The following ESR2 variants were observed in gnomAD, a reference collection of about 807,000 sequenced individuals.
ESR2 encodes estrogen receptor 2, also known as estrogen receptor beta.
ESR2 carries 36 observed loss-of-function variants against 49.6 expected under a neutral mutation model. The observed-to-expected ratio is 0.73, with a 90% CI of 0.56 to 0.96. The LOEUF (loss-of-function observed/expected upper bound fraction) is 0.96. ESR2 is among the 40% of genes least tolerant of loss of function. The pLI is 0.00. For synonymous variants in ESR2, 320 were observed against 266.1 expected, an observed-to-expected ratio of 1.20 and a Z score of -1.97; for missense variants, 714 against 693.0, an observed-to-expected ratio of 1.03 and a Z score of -0.34.
chr14:64,338,228 C>G (rs2077556106), upstream of ESR2: 1 of 155,452 alleles, frequency 6.4e-6, no homozygotes, highest in African/African-American at 2.4e-5. Context: ...CCGGGGTGAC[C>G]CCAACACAGA....
intron 1 of ESR2, among the ~76,000 whole-genome samples, chr14:64,331,871 G>C (rs990386622): frequency 6.8e-6 from 1 of 147,096 alleles, no homozygotes; most frequent in African/African-American, 2.5e-5. Flanking sequence ...CTCCTTCAGA[G>C]AGTCCTTCTC....
At chr14:64,310,073 G>T (rs2077166971) in intron 1 of ESR2, among the ~76,000 whole-genome samples, 1 of 151,714 alleles carries the variant, frequency 6.6e-6, no homozygotes, top group South Asian at 2.1e-4. Flanking sequence ...GCGACAGAGC[G>T]AGACTCCGTC....
intron 4 of ESR2, among the ~76,000 whole-genome samples, chr14:64,263,825 C>T (rs2076270465): frequency 6.6e-6 from 1 of 152,058 alleles, no homozygotes; most frequent in South Asian, 2.1e-4. Context: ...AATATTTGAA[C>T]CACATAATTA....
intron 1 of ESR2, among the ~76,000 whole-genome samples, chr14:64,285,923 T>G (rs964259896): frequency 3.9e-5 from 6 of 152,022 alleles, no homozygotes; most frequent in Non-Finnish European, 7.4e-5. Context: ...CACCTTGCAC[T>G]GAAACTCAAT....
At chr14:64,338,202 C>G (rs989042153), upstream of ESR2, 4 of 155,238 alleles carry the variant, frequency 2.6e-5, no homozygotes, top group Admixed American at 6.5e-5. Context: ...ACGACCCTCC[C>G]TGAGCCCTGG....
intron 4 of ESR2, among the ~76,000 whole-genome samples, chr14:64,267,779 G>A (rs1487905120): frequency 1.3e-5 from 2 of 151,498 alleles, no homozygotes; most frequent in Non-Finnish European, 2.9e-5. Context: ...AGCTACTTGG[G>A]AGGCTGAGGC....
chr14:64,248,068 C>T (rs2075903647), intron 7 of ESR2, among the ~76,000 whole-genome samples: 1 of 152,130 alleles, frequency 6.6e-6, no homozygotes, highest in African/African-American at 2.4e-5. Context: ...GTGGCAGGTG[C>T]TTGTGGTCTC....
At chr14:64,310,251 C>CGACAAAGTGA (rs1190231477) in intron 1 of ESR2, among the ~76,000 whole-genome samples, 4 of 148,510 alleles carry the variant, frequency 2.7e-5, no homozygotes, top group Admixed American at 6.7e-5. Context: ...CCAGCCTGGG[C>CGACAAAGTGA]GACAAAGTGA....
At chr14:64,329,334 C>T (rs151021455) in intron 1 of ESR2, 5 of 152,360 alleles carry the variant, frequency 3.3e-5, no homozygotes, top group African/African-American at 1.2e-4. Flanking sequence ...CACCAGGCTC[C>T]ACCTTCAACA....
intron 1 of ESR2, among the ~76,000 whole-genome samples, chr14:64,326,608 G>T (rs984306098): frequency 3.3e-5 from 5 of 152,074 alleles, no homozygotes; most frequent in Middle Eastern, 3.4e-3. Context: ...CTCAAATTGG[G>T]TGCTTTTTCT....
At chr14:64,237,476 C>T (rs867444655) in intron 7 of ESR2, among the ~76,000 whole-genome samples, 25 of 152,304 alleles carry the variant, frequency 1.6e-4, no homozygotes, top group African/African-American at 5.8e-4. Flanking sequence ...CCATGGACTT[C>T]CGCTGCCATC....
intron 4 of ESR2, among the ~76,000 whole-genome samples, chr14:64,265,587 G>T (rs2076312798): frequency 6.6e-6 from 1 of 152,146 alleles, no homozygotes; most frequent in Admixed American, 6.6e-5. Flanking sequence ...TAAAGATATG[G>T]CACCCAAAAT....
intron 1 of ESR2, among the ~76,000 whole-genome samples, chr14:64,310,513 C>T (rs2077175590): frequency 6.7e-6 from 1 of 150,272 alleles, no homozygotes; most frequent in Non-Finnish European, 1.5e-5. Context: ...CTCTTGTTGC[C>T]CAGGCTGGAG....
intron 5 of ESR2, among the ~76,000 whole-genome samples, chr14:64,260,021 T>C (rs1295208653): frequency 2.6e-5 from 4 of 152,094 alleles, no homozygotes; most frequent in Admixed American, 6.5e-5. Context: ...CCTAGGTAGG[T>C]TCCCTGGGTC....
downstream of ESR2, chr14:64,228,074 A>ATT: frequency 7.3e-7 from 1 of 1,369,650 alleles, no homozygotes; most frequent in South Asian, 1.9e-5. Context: ...CACAAGTGTG[A>ATT]GATTAGCTGA....
At chr14:64,237,595 T>C (rs1212942152) in intron 7 of ESR2, among the ~76,000 whole-genome samples, 1 of 152,212 alleles carries the variant, frequency 6.6e-6, no homozygotes, top group Non-Finnish European at 1.5e-5. Flanking sequence ...CCTCAGATTA[T>C]AAACAAATGT....
chr14:64,234,947 G>C (rs1221900232), intron 8 of ESR2, 23 bp downstream of exon 8: 3 of 1,608,916 alleles, frequency 1.9e-6, no homozygotes, highest in South Asian at 1.1e-5. Context: ...AGCCCAAGCA[G>C]AGCAGCTCCT....
At chr14:64,247,741 G>A (rs2075894657) in intron 7 of ESR2, among the ~76,000 whole-genome samples, 3 of 152,146 alleles carry the variant, frequency 2.0e-5, no homozygotes, top group African/African-American at 4.8e-5. Flanking sequence ...TAGACACCAG[G>A]TAGATCGTGA....
intron 1 of ESR2, among the ~76,000 whole-genome samples, chr14:64,321,231 A>T (rs1166372411): frequency 6.6e-6 from 1 of 152,106 alleles, no homozygotes; most frequent in Non-Finnish European, 1.5e-5. Context: ...GTCCAAAAAA[A>T]GGAAAATGTA....
Sources: gnomAD v4.1 joint callset for allele counts (sites outside exome capture counted in the v4.1 genomes callset) on GRCh38, gnomAD v4.1.1 for gene constraint, MANE v1.5 for transcripts, NCBI Gene and HGNC (gene_info 2026-07-23, HGNC 2026-07-21) for gene names.